Variants in JARID2 observed in about 807,000 individuals in gnomAD.
JARID2 encodes the protein protein Jumonji.
A neutral mutation model predicts 125.6 loss-of-function variants in JARID2; 21 were observed. The ratio of observed to expected loss-of-function variants is 0.17; its 90% CI spans 0.12 to 0.24. JARID2 has a LOEUF of 0.24. JARID2 is among the 10% of genes least tolerant of loss of function. The probability of loss-of-function intolerance (pLI) is 1.00; values close to 1 mark genes in which losing one functional copy is unlikely to be tolerated. For missense variants in JARID2, 1,303 were observed against 1,639.6 expected (o/e 0.79, Z 3.55); for synonymous variants, 736 against 661.6 (o/e 1.11, Z -1.73).
chr6:15,274,987 TGAG>T (rs1336285535), intron 1 of JARID2, among the ~76,000 whole-genome samples: 2 of 152,226 alleles, frequency 1.3e-5, no homozygotes, highest in African/African-American at 4.8e-5. Flanking sequence ...CTTTTAGCTT[TGAG>T]GAGGTCACTG....
intron 3 of JARID2, among the ~76,000 whole-genome samples, chr6:15,449,756 T>G (rs558798249): frequency 6.6e-6 from 1 of 152,240 alleles, no homozygotes; most frequent in East Asian, 1.9e-4. Flanking sequence ...ACCCACTAAG[T>G]AGTTGGAGTC....
rs570380553 is a variant in JARID2, at chr6:15,510,084, G to A, written c.2847-1212G>A. Among the ~76,000 whole-genome samples, 3 of 152,272 alleles carry A rather than the reference G, an allele frequency of 2.0e-5. No individual in the cohort carries two copies. The South Asian group carries it at 6.2e-4, about 32-fold the overall frequency. On this transcript the variant is annotated intron_variant, in intron 12 of 17. Transcript: ENST00000341776. Reference sequence around the variant, plus strand: ...ATGCTTTCATCACAGACACATAGGGGCTGCAGAGTTGCTGCCCGCCTGGAC... The same window carrying A: ...ATGCTTTCATCACAGACACATAGGGACTGCAGAGTTGCTGCCCGCCTGGAC...
At chr6:15,322,297 T>C (rs1762386142) in intron 1 of JARID2, among the ~76,000 whole-genome samples, 1 of 152,224 alleles carries the variant, frequency 6.6e-6, no homozygotes, top group Non-Finnish European at 1.5e-5. Context: ...ATTCTGAGAC[T>C]TGGTTAGAGG....
At chr6:15,459,590 G>T (rs1057168742) in intron 4 of JARID2, among the ~76,000 whole-genome samples, 5 of 152,206 alleles carry the variant, frequency 3.3e-5, no homozygotes, top group African/African-American at 1.2e-4. Context: ...GGCAGAGGTA[G>T]TGGAGAGGAA....
At position 15,418,692 on chromosome 6, in the gene JARID2, C is replaced by T. The variant is rs74423097; in HGVS notation, c.323+8327C>T. ...TAGTTAGGCTTTCGATCCAATAGGA[C>T]TTAGTTTAAACACTGTTTGTCCTAT... On this transcript the variant is annotated intron_variant, in intron 3 of 17. Transcript: ENST00000341776. Among the ~76,000 whole-genome samples the T allele has an allele frequency of 9.0e-4, 137 of 152,260 alleles. 4 individuals carry two copies. In the East Asian group the frequency reaches 0.025, roughly 28 times the overall value.
At chr6:15,431,963 A>C (rs781056762) in intron 3 of JARID2, among the ~76,000 whole-genome samples, 8 of 152,228 alleles carry the variant, frequency 5.3e-5, no homozygotes, top group Non-Finnish European at 1.2e-4. Context: ...ACACAGGCTC[A>C]CTGTGCTCAG....
At chr6:15,296,411 A>G (rs1468067532) in intron 1 of JARID2, among the ~76,000 whole-genome samples, 1 of 151,944 alleles carries the variant, frequency 6.6e-6, no homozygotes, top group Non-Finnish European at 1.5e-5. Context: ...ATTTGTTCTT[A>G]CTTAGTTTGT....
intron 13 of JARID2, among the ~76,000 whole-genome samples, chr6:15,511,641 G>GC (rs1771283355): frequency 6.6e-6 from 1 of 152,216 alleles, no homozygotes; most frequent in Non-Finnish European, 1.5e-5. Flanking sequence ...GTTGTGGGCT[G>GC]CTGTGGGCCC....
At chr6:15,336,750 A>G (rs1215262536) in intron 1 of JARID2, among the ~76,000 whole-genome samples, 1 of 151,236 alleles carries the variant, frequency 6.6e-6, no homozygotes, top group African/African-American at 2.4e-5. Context: ...AGGTCTCACC[A>G]TGCTGCCCCA....
At chr6:15,368,597 A>C in intron 1 of JARID2, 1 of 390,074 alleles carries the variant, frequency 2.6e-6, no homozygotes, top group Non-Finnish European at 5.2e-6. Flanking sequence ...GAGTAACCAA[A>C]AGAGAAGGGT....
chr6:15,280,629 C>CTT (rs11427786), intron 1 of JARID2, among the ~76,000 whole-genome samples: 53 of 136,718 alleles, frequency 3.9e-4, no homozygotes, highest in African/African-American at 1.3e-3. Flanking sequence ...CCACACCCTG[C>CTT]TTTTTTTTTT....
At chr6:15,487,210 G>C in intron 5 of JARID2, 97 bp from the exon 6 acceptor site, 1 of 973,894 alleles carries the variant, frequency 1.0e-6, no homozygotes, top group South Asian at 1.6e-5. Context: ...AGTTGGACAT[G>C]AGATTTGGGT....
intron 2 of JARID2, among the ~76,000 whole-genome samples, chr6:15,386,173 G>T (rs1448594806): frequency 6.6e-6 from 1 of 152,176 alleles, no homozygotes; most frequent in Non-Finnish European, 1.5e-5. Flanking sequence ...ACCTAGCAGA[G>T]AAGTGGTCAA....
chr6:15,496,407 G>T lies in JARID2; in HGVS notation c.1182G>T (p.Gly394=), dbSNP rs139296418. Residue 394 remains glycine (G), a synonymous_variant, in exon 7 of 18, where the codon GGG becomes GGT. Coordinates refer to ENST00000341776, the MANE Select transcript of JARID2 (RefSeq NM_004973.4). ...CCCGCAAACAGGTGCTATCCCTCGG[G>T]GGGGCGTCCAAGTCCACTGGGCCCG... The part of the protein sequence containing the change: ...AKTRKQVLSL[G]GASKSTGPAV... 62 of 1,613,742 alleles carry T rather than the reference G, an allele frequency of 3.8e-5. No individual in the cohort carries two copies. Among genetic ancestry groups the T allele is most frequent in the Middle Eastern group, 1.6e-4 (1 of 6,080 alleles).
Position 15,410,342 on chromosome 6 carries a change from T to C in JARID2, c.300T>C (p.Phe100=). 1 of 1,614,124 alleles carries C rather than the reference T, an allele frequency of 6.2e-7. No homozygotes were observed. Among genetic ancestry groups the C allele is most frequent in the Non-Finnish European group, 8.5e-7 (1 of 1,179,992 alleles). The change falls in exon 3 of 18, where the codon TTT becomes TTC. Residue 100 remains phenylalanine (F), a synonymous_variant. Coordinates refer to ENST00000341776, the MANE Select transcript of JARID2 (RefSeq NM_004973.4). ...GCAACGATGTTAGTTCTTCAGATTT[T>C]GAAGAAGGGCCGTCGAGGAAAAGGT... ...STSNDVSSSD[F]EEGPSRKRPR...
intron 1 of JARID2, among the ~76,000 whole-genome samples, chr6:15,328,085 A>G (rs574660518): frequency 2.6e-5 from 4 of 152,242 alleles, no homozygotes; most frequent in South Asian, 2.1e-4. Flanking sequence ...TATTGGTGCA[A>G]TGGAAGACTC....
Position 15,507,432 on chromosome 6 carries a change from G to T in JARID2, c.2731+16G>T, listed in dbSNP as rs1771056943. The stretch of plus-strand genomic sequence containing the variant: ...GCTGTGCCTGGTAAGCCTGACTGTG[G>T]CCGCCTGCCTGTGGCAGCTGTGTCC... On this transcript the variant is annotated intron_variant, in intron 11 of 17. Coordinates refer to ENST00000341776, the MANE Select transcript of JARID2 (RefSeq NM_004973.4). The T allele has an allele frequency of 1.9e-6, 3 of 1,611,558 alleles. No individual in the cohort carries two copies. Among genetic ancestry groups the T allele is most frequent in the Non-Finnish European group, 2.5e-6 (3 of 1,177,998 alleles).
chr6:15,372,818 C>T (rs980324504), intron 1 of JARID2, among the ~76,000 whole-genome samples: 5 of 152,042 alleles, frequency 3.3e-5, no homozygotes, highest in Non-Finnish European at 5.9e-5. Context: ...AAGCAATTCT[C>T]GTGCCTCAGC....
intron 17 of JARID2, 38 bp downstream of exon 17, chr6:15,517,306 G>T: frequency 7.0e-7 from 1 of 1,422,032 alleles, no homozygotes; most frequent in Admixed American, 1.7e-5. Context: ...GGGCGGCAGC[G>T]TGGCGCCTTC....
Sources: allele counts gnomAD v4.1 joint callset (sites outside exome capture counted in the v4.1 genomes callset), GRCh38; gene constraint gnomAD v4.1.1; transcripts MANE v1.5; gene names NCBI Gene and HGNC (gene_info 2026-07-23, HGNC 2026-07-21).